The following ZNF106 variants were observed in gnomAD, a reference collection of about 807,000 sequenced individuals.
ZNF106 encodes zinc finger protein 106, also known as SH3-domain binding protein 3.
Under a neutral mutation model 195.1 loss-of-function variants are expected in ZNF106, and 67 were observed. The observed-to-expected ratio is 0.34, with a 90% CI of 0.28 to 0.42. ZNF106 has a LOEUF of 0.42. Among genes scored for constraint, ZNF106 ranks in the 10% least tolerant of loss-of-function variants. The pLI, the probability that ZNF106 is intolerant of heterozygous loss-of-function variation, is 1.00. For missense variants in ZNF106, 2,118 were observed against 2,304.5 expected (o/e 0.92, Z 1.66); for synonymous variants, 784 against 818.6 (o/e 0.96, Z 0.72).
rs757712072 is a variant in ZNF106 at position 42,451,637 on chromosome 15, C to A, written c.635G>T (p.Ser212Ile). Reference sequence around the variant, plus strand: ...ATTATGATTCCAATCTACTGCTCCACTATTTGAAAGCCAACCACCTCCAGA... The same window carrying A: ...ATTATGATTCCAATCTACTGCTCCAATATTTGAAAGCCAACCACCTCCAGA... ...SNSGGGWLSN[S>I]GAVDWNHNGT... is the part of the protein sequence containing the mutation. The change falls in exon 5 of 22, where the codon AGT (serine) becomes ATT (isoleucine). Residue 212 changes from serine to isoleucine, a missense_variant. Ser to Ile is a moderately radical substitution (Grantham distance 142). Coordinates refer to ENST00000564754, the MANE Select transcript of ZNF106 (RefSeq NM_001366845.3). The A allele has an allele frequency of 5.0e-6, 8 of 1,614,172 alleles. No homozygotes were observed. Among genetic ancestry groups the A allele is most frequent in the Non-Finnish European group, 6.8e-6 (8 of 1,180,026 alleles).
chr15:42,454,290 A>C (rs2056154925), intron 4 of ZNF106, among the ~76,000 whole-genome samples: 4 of 152,220 alleles, frequency 2.6e-5, no homozygotes, highest in African/African-American at 9.6e-5. Flanking sequence ...GAAAGTAACA[A>C]GTATTATTAC....
chr15:42,451,661 G>A lies in ZNF106; in HGVS notation c.611C>T (p.Ser204Phe). Reference sequence around the variant, plus strand: ...ACTATTTGAAAGCCAACCACCTCCAGAATTACTATGGTTGTGAAACCAAGT... The same window carrying A: ...ACTATTTGAAAGCCAACCACCTCCAAAATTACTATGGTTGTGAAACCAAGT... Reference protein sequence around the residue: ...SSTWFHNHSNSGGGWLSNSGA... With the variant: ...SSTWFHNHSNFGGGWLSNSGA... The change falls in exon 5 of 22, where the codon TCT becomes TTT. Residue 204 changes from serine to phenylalanine, a missense_variant. By Grantham distance (155) the Ser-to-Phe change is radical (BLOSUM62 -2). Transcript: ENST00000564754. 1 of 1,614,162 alleles carries A rather than the reference G, an allele frequency of 6.2e-7. No individual in the cohort carries two copies. Among genetic ancestry groups the A allele is most frequent in the South Asian group, 1.1e-5 (1 of 91,082 alleles).
At chr15:42,462,165 A>G (rs2056406190) in intron 3 of ZNF106, among the ~76,000 whole-genome samples, 1 of 152,188 alleles carries the variant, frequency 6.6e-6, no homozygotes. Flanking sequence ...ACTGTGATCC[A>G]CATAATTTAA....
chr15:42,417,743 G>A (rs901939578), intron 21 of ZNF106, 62 bp downstream of exon 21: 15 of 1,497,588 alleles, frequency 1.0e-5, no homozygotes, highest in Non-Finnish European at 1.3e-5. Flanking sequence ...AAAAAGGTTT[G>A]CTAGCCCCTG....
intron 3 of ZNF106, among the ~76,000 whole-genome samples, chr15:42,461,879 G>A (rs1234618690): frequency 6.6e-6 from 1 of 152,166 alleles, no homozygotes; most frequent in Non-Finnish European, 1.5e-5. Context: ...GTACAAGCTG[G>A]TGAAGACCGT....
chr15:42,486,082 C>T (rs563286748), intron 1 of ZNF106, among the ~76,000 whole-genome samples: 2 of 151,914 alleles, frequency 1.3e-5, no homozygotes, highest in Admixed American at 6.6e-5. Context: ...CTCAGCCTCC[C>T]GAGTAGCTGG....
chr15:42,426,933 G>A (rs117548855), intron 15 of ZNF106, among the ~76,000 whole-genome samples: 2,546 of 152,128 alleles, frequency 0.017, 37 homozygotes, highest in Middle Eastern at 0.044. Context: ...GATTATATAC[G>A]TGCTAAATTC....
rs1464669802 is a variant in ZNF106, at chr15:42,439,474, T to G, written c.4103A>C (p.Glu1368Ala). 1 of 1,613,946 alleles carries G rather than the reference T, an allele frequency of 6.2e-7. No homozygotes were observed. Among genetic ancestry groups the G allele is most frequent in the African/African-American group, 1.3e-5 (1 of 74,910 alleles). Residue 1368 changes from glutamate to alanine, a missense_variant, in exon 11 of 22, where the codon GAG becomes GCG. Glu to Ala is a moderately radical substitution (Grantham distance 107, BLOSUM62 -1). Transcript: ENST00000564754. ...CTTCTTTTTCTTGCTTCCCCTAGTC[T>G]CAGCTGATGTCAAAGTGGATTCTGC... ...QQAESTLTSA[E>A]TRGSKKKKKL...
At chr15:42,437,683 G>C (rs766987243) in intron 12 of ZNF106, among the ~76,000 whole-genome samples, 1 of 152,048 alleles carries the variant, frequency 6.6e-6, no homozygotes, top group Non-Finnish European at 1.5e-5. Context: ...AAAATGGACG[G>C]ATCACCTGAG....
intron 2 of ZNF106, among the ~76,000 whole-genome samples, chr15:42,471,245 C>G (rs1355805533): frequency 1.3e-5 from 2 of 152,200 alleles, no homozygotes; most frequent in African/African-American, 4.8e-5. Flanking sequence ...ACCACTTCCA[C>G]TCACACTTCC....
At chr15:42,422,011 G>A in intron 18 of ZNF106, 23 bp from the exon 19 acceptor site, 1 of 1,557,342 alleles carries the variant, frequency 6.4e-7, no homozygotes, top group Non-Finnish European at 8.7e-7. Flanking sequence ...AAAAAAAAGA[G>A]AATTGAAGTT....
intron 8 of ZNF106, 121 bp from the exon 9 acceptor site, chr15:42,444,383 G>T: frequency 1.4e-6 from 1 of 708,876 alleles, no homozygotes; most frequent in Non-Finnish European, 2.3e-6. Flanking sequence ...CTGTGACCCA[G>T]CCAGCCGCAG....
At position 42,437,304 on chromosome 15, in the gene ZNF106, A is replaced by G. The variant is rs2055317944; in HGVS notation, c.4674T>C (p.Asn1558=). Residue 1558 remains asparagine (N), a synonymous_variant, in exon 13 of 22, where the codon AAT becomes AAC. Transcript: ENST00000564754. ...GSFEGHQAAV[N]AIQIFGNLLY... is the part of the protein sequence containing the mutation. Reference sequence around the variant, plus strand: ...GCAAGTTCCCAAATATCTGAATTGCATTTACGGCAGCTTGGTGTCCCTCAA... The same window carrying G: ...GCAAGTTCCCAAATATCTGAATTGCGTTTACGGCAGCTTGGTGTCCCTCAA... 6.2e-7 allele frequency: 1 copy of G among 1,614,166 alleles called. No individual in the cohort carries two copies. Among genetic ancestry groups the G allele is most frequent in the Non-Finnish European group, 8.5e-7 (1 of 1,180,030 alleles).
intron 2 of ZNF106, among the ~76,000 whole-genome samples, chr15:42,468,741 C>CA (rs1567027980): frequency 2.7e-5 from 4 of 150,174 alleles, no homozygotes; most frequent in African/African-American, 7.3e-5. Context: ...GACTCCGTCT[C>CA]AAAAAAAATA....
chr15:42,434,259 G>A (rs1466538577), intron 14 of ZNF106, among the ~76,000 whole-genome samples: 1 of 152,190 alleles, frequency 6.6e-6, no homozygotes, highest in East Asian at 1.9e-4. Flanking sequence ...GGCCAAGGTG[G>A]GAGGACTGCC....
intron 1 of ZNF106, among the ~76,000 whole-genome samples, chr15:42,483,253 T>A (rs80310490): frequency 3.3e-5 from 5 of 152,216 alleles, no homozygotes; most frequent in Non-Finnish European, 5.9e-5. Flanking sequence ...TGTGGGGGCA[T>A]TGGCCAGGAG....
intron 8 of ZNF106, among the ~76,000 whole-genome samples, 182 bp downstream of exon 8, chr15:42,444,645 C>G (rs2055698962): frequency 6.6e-6 from 1 of 152,208 alleles, no homozygotes; most frequent in Non-Finnish European, 1.5e-5. Flanking sequence ...ACTCATCACC[C>G]TGGCATTTAG....
chr15:42,433,403 C>T (rs376309878), intron 14 of ZNF106, among the ~76,000 whole-genome samples: 2 of 152,106 alleles, frequency 1.3e-5, no homozygotes, highest in South Asian at 2.1e-4. Context: ...CCGCGCCCAG[C>T]CTTAAGTATA....
chr15:42,462,167 A>G (rs1595481771), intron 3 of ZNF106, among the ~76,000 whole-genome samples: 1 of 152,210 alleles, frequency 6.6e-6, no homozygotes, highest in Non-Finnish European at 1.5e-5. Flanking sequence ...TGTGATCCAC[A>G]TAATTTAAAA....
Sources: gnomAD v4.1 joint callset for allele counts (sites outside exome capture counted in the v4.1 genomes callset) on GRCh38, gnomAD v4.1.1 for gene constraint, MANE v1.5 for transcripts, NCBI Gene and HGNC (gene_info 2026-07-23, HGNC 2026-07-21) for gene names.